The following PCDHGB2 variants were observed in gnomAD, a reference collection of about 807,000 sequenced individuals.
The protein encoded by PCDHGB2 is protocadherin gamma subfamily B, 2, also known as protocadherin gamma-B2.
PCDHGB2 carries 55 observed loss-of-function variants against 59.3 expected under a neutral mutation model. The ratio of observed to expected loss-of-function variants is 0.93; its 90% confidence interval spans 0.75 to 1.16. The LOEUF (loss-of-function observed/expected upper bound fraction) is 1.16. PCDHGB2 is among the 50% of genes most tolerant of loss of function. PCDHGB2 has a pLI of 0.00. For synonymous variants in PCDHGB2, 516 were observed against 512.0 expected (o/e 1.01, Z -0.11); for missense variants, 1,228 against 1,198.5 (o/e 1.02, Z -0.36).
rs764976894 is a variant in PCDHGB2, at chr5:141,476,238, G to T, written c.2422-18569G>T. On this transcript the variant is annotated intron_variant, in intron 1 of 3. Transcript: ENST00000522605. The surrounding 1 kb of genome is among the most constrained non-coding windows in gnomAD (Gnocchi z 7.6). ...ATTCACTATGAGATCCCGGAGGAAA[G>T]AGAGAAGGGTTTCGCTGTGGGCAAC... is the stretch of plus-strand genomic sequence containing the variant. The T allele has an allele frequency of 3.1e-6, 5 of 1,614,098 alleles. No individual in the cohort carries two copies. The highest frequency in any genetic ancestry group is 4.2e-6 in the Non-Finnish European group (5 of 1,180,012).
At chr5:141,483,797 G>GCTGCTTTT (rs1255394691) in intron 1 of PCDHGB2, among the ~76,000 whole-genome samples, 3 of 152,174 alleles carry the variant, frequency 2.0e-5, no homozygotes, top group Non-Finnish European at 4.4e-5. Context: ...TCCAGTTGTT[G>GCTGCTTTT]CTGCTTTTTT....
intron 1 of PCDHGB2, among the ~76,000 whole-genome samples, chr5:141,387,290 A>G (rs2090890389): frequency 6.6e-6 from 1 of 152,168 alleles, no homozygotes; most frequent in Non-Finnish European, 1.5e-5. Flanking sequence ...GAAAGATAAA[A>G]TGTATCCAGT....
intron 1 of PCDHGB2, chr5:141,403,315 A>G (rs1268267002): frequency 6.2e-7 from 1 of 1,613,974 alleles, no homozygotes; most frequent in Non-Finnish European, 8.5e-7. Flanking sequence ...GAATAGAAAT[A>G]GAAGTAACTG....
chr5:141,472,307 C>T (rs949288194), intron 1 of PCDHGB2, among the ~76,000 whole-genome samples: 2 of 150,368 alleles, frequency 1.3e-5, no homozygotes, highest in Admixed American at 6.6e-5. Flanking sequence ...TTTGGGAAGC[C>T]GAGGCAGGCA....
intron 1 of PCDHGB2, chr5:141,385,009 T>G: frequency 6.2e-7 from 1 of 1,614,140 alleles, no homozygotes; most frequent in Non-Finnish European, 8.5e-7. Flanking sequence ...CTCCTGCGTC[T>G]TCCTAGCCTT....
In PCDHGB2 at chr5:141,433,322, T is replaced by A. The variant is rs907709272; in HGVS notation, c.2422-61485T>A. On this transcript the variant is annotated intron_variant, in intron 1 of 3. Transcript: ENST00000522605. ...AATTATCCCACCTTTGCCTCCGGTGTAACAGGGACTACAGGTGCAAGCCAC... is the reference window on the plus strand; with the variant it reads ...AATTATCCCACCTTTGCCTCCGGTGAAACAGGGACTACAGGTGCAAGCCAC... The A allele has an allele frequency of 5.3e-6, 4 of 760,298 alleles. No homozygotes were observed. In the African/African-American group the frequency reaches 7.1e-5, roughly 13 times the overall value. The allele number at this position is 760,298 out of a possible 1,614,324, so 47.1% of individuals were successfully genotyped here.
intron 3 of PCDHGB2, among the ~76,000 whole-genome samples, chr5:141,506,435 G>C (rs1470687416): frequency 7.9e-6 from 1 of 126,278 alleles, no homozygotes; most frequent in East Asian, 2.1e-4. Flanking sequence ...CAACAGTCTC[G>C]CTCTGTCTCA....
intron 1 of PCDHGB2, chr5:141,366,752 G>A: frequency 1.2e-6 from 2 of 1,607,644 alleles, no homozygotes; most frequent in Non-Finnish European, 1.7e-6. Flanking sequence ...GCGAGTTCAG[G>A]TTAGTTTTCT....
chr5:141,409,903 G>A (rs570063514), intron 1 of PCDHGB2: 1 of 1,613,268 alleles, frequency 6.2e-7, no homozygotes, highest in Non-Finnish European at 8.5e-7. Flanking sequence ...ACCCAGCTCT[G>A]GGTCCTGACG....
At chr5:141,439,432 A>C (rs537630916) in intron 1 of PCDHGB2, among the ~76,000 whole-genome samples, 1 of 152,326 alleles carries the variant, frequency 6.6e-6, no homozygotes, top group African/African-American at 2.4e-5. Flanking sequence ...AATTCCCAGG[A>C]ATATTTTATT....
At chr5:141,427,707 T>C in intron 1 of PCDHGB2, 1 of 1,011,828 alleles carries the variant, frequency 9.9e-7, no homozygotes, top group Non-Finnish European at 1.5e-6. Context: ...AGTCAGCGCC[T>C]CTGACCTGGA....
intron 1 of PCDHGB2, 161 bp from the exon 2 acceptor site, chr5:141,494,646 T>C (rs1324048407): frequency 1.1e-6 from 1 of 935,836 alleles, no homozygotes; most frequent in East Asian, 1.2e-4. Flanking sequence ...AGACCTGAGG[T>C]GTATTTTGTC....
intron 1 of PCDHGB2, among the ~76,000 whole-genome samples, chr5:141,473,431 G>C (rs541546681): frequency 6.6e-6 from 1 of 152,148 alleles, no homozygotes; most frequent in South Asian, 2.1e-4. Context: ...CAGATACTTT[G>C]CTTATGCAAA....
intron 1 of PCDHGB2, chr5:141,404,730 C>G: frequency 6.2e-7 from 1 of 1,613,984 alleles, no homozygotes; most frequent in East Asian, 2.2e-5. Context: ...AAGGTGGTGG[C>G]AGTGGACAGA....
At chr5:141,375,775 C>A (rs1425476236) in intron 1 of PCDHGB2, 2 of 1,614,240 alleles carry the variant, frequency 1.2e-6, no homozygotes, top group East Asian at 2.2e-5. Flanking sequence ...AGATCCTGTA[C>A]CCCGCCCTCC....
Position 141,362,320 on chromosome 5 carries a change from C to T in PCDHGB2, c.2185C>T (p.Pro729Ser). ...SRSDAWDCFQ[P>S]GLSSKPGPGV... ...GTCAGATGCTTGGGACTGTTTTCAG[C>T]CTGGTCTCAGCTCCAAGCCTGGACC... The change falls in exon 1 of 4, where the codon CCT becomes TCT. Residue 729 changes from proline (P) to serine (S), a missense_variant. Physicochemically the swap from Pro to Ser is moderately conservative, Grantham distance 74. Transcript: ENST00000522605. 1 of 1,614,074 alleles carries T rather than the reference C, an allele frequency of 6.2e-7. No individual in the cohort carries two copies. Among genetic ancestry groups the T allele is most frequent in the South Asian group, 1.1e-5 (1 of 91,088 alleles).
chr5:141,476,412 G>T lies in PCDHGB2; in HGVS notation c.2422-18395G>T. The T allele has an allele frequency of 1.2e-6, 2 of 1,614,140 alleles. No homozygotes were observed. Among genetic ancestry groups the T allele is most frequent in the Non-Finnish European group, 1.7e-6 (2 of 1,180,010 alleles). On this transcript the variant is annotated intron_variant, in intron 1 of 3. Coordinates refer to ENST00000522605, the MANE Select transcript of PCDHGB2 (RefSeq NM_018923.3). The surrounding 1 kb of genome is among the most constrained non-coding windows in gnomAD (Gnocchi z 7.6). ...CGTCTGGATCGAGAGGAGCTGTGTGGGACACTGCCCTCTTGCACTGTAACT... is the reference window on the plus strand; with the variant it reads ...CGTCTGGATCGAGAGGAGCTGTGTGTGACACTGCCCTCTTGCACTGTAACT...
intron 1 of PCDHGB2, chr5:141,409,530 C>G: frequency 6.2e-7 from 1 of 1,613,994 alleles, no homozygotes. Flanking sequence ...TTGTATGTCG[C>G]TGACATCAAC....
At chr5:141,410,560 A>C (rs769354927) in intron 1 of PCDHGB2, 42 of 1,612,824 alleles carry the variant, frequency 2.6e-5, no homozygotes, top group Non-Finnish European at 3.5e-5. Context: ...TTTCTCCTGG[A>C]GCCTTAATTC....
Sources: gnomAD v4.1 joint callset for allele counts (sites outside exome capture counted in the v4.1 genomes callset) on GRCh38, gnomAD v4.1.1 for gene constraint, Gnocchi (gnomAD v3.1) non-coding constraint, MANE v1.5 for transcripts, NCBI Gene and HGNC (gene_info 2026-07-23, HGNC 2026-07-21) for gene names.